The following KCNJ3 variants were observed in gnomAD, a reference collection of about 807,000 sequenced individuals.
KCNJ3 encodes the protein G protein-activated inward rectifier potassium channel 1.
A neutral mutation model predicts 39.2 loss-of-function variants in KCNJ3; 4 were observed. The observed-to-expected ratio is 0.10, with a 90% CI of 0.05 to 0.23. The LOEUF (loss-of-function observed/expected upper bound fraction) is 0.23. KCNJ3 is among the 10% of genes least tolerant of loss of function. The pLI, the probability that KCNJ3 is intolerant of heterozygous loss-of-function variation, is 1.00. For missense variants in KCNJ3, 276 were observed against 634.9 expected (o/e 0.43, Z 6.08); for synonymous variants, 230 against 237.4 (o/e 0.97, Z 0.29).
At chr2:154,761,966 T>C (rs1042943060) in intron 2 of KCNJ3, among the ~76,000 whole-genome samples, 4 of 151,792 alleles carry the variant, frequency 2.6e-5, no homozygotes, top group African/African-American at 7.3e-5. Flanking sequence ...CATCACAGAG[T>C]CCTTATAAAA....
intron 2 of KCNJ3, among the ~76,000 whole-genome samples, chr2:154,824,253 T>C (rs1343779965): frequency 6.6e-6 from 1 of 152,146 alleles, no homozygotes; most frequent in East Asian, 1.9e-4. Flanking sequence ...GGAGGATCAC[T>C]TGAGCCTGGG....
In KCNJ3 at chr2:154,787,732, G is replaced by A. The variant is rs16838176; in HGVS notation, c.920-66995G>A. ...CCCAGGTTCCTTGAAACTAGCCTGT[G>A]CCATTTTCAACTCAAACATTTTTTT... On this transcript the variant is annotated intron_variant, in intron 2 of 2. Coordinates refer to ENST00000295101, the MANE Select transcript of KCNJ3 (RefSeq NM_002239.4). Among the ~76,000 whole-genome samples, 293 of 150,456 alleles carry A rather than the reference G, an allele frequency of 1.9e-3. 1 individual carries two copies. The highest frequency in any genetic ancestry group is 7.1e-3 in the African/African-American group (289 of 40,974).
intron 2 of KCNJ3, among the ~76,000 whole-genome samples, chr2:154,840,806 T>C (rs1396551950): frequency 6.6e-6 from 1 of 152,206 alleles, no homozygotes; most frequent in East Asian, 1.9e-4. Flanking sequence ...TTTGATGAAG[T>C]TGCTTATCAG....
chr2:154,746,475 T>A (rs1558862931), intron 2 of KCNJ3, among the ~76,000 whole-genome samples: 1 of 151,614 alleles, frequency 6.6e-6, no homozygotes, highest in Admixed American at 6.6e-5. Flanking sequence ...TATACTATAT[T>A]GATTTTTATT....
At chr2:154,804,705 A>T (rs1256046155) in intron 2 of KCNJ3, among the ~76,000 whole-genome samples, 2 of 152,144 alleles carry the variant, frequency 1.3e-5, no homozygotes, top group Non-Finnish European at 2.9e-5. Context: ...TCCAAGACAG[A>T]GAGAGTTAAG....
chr2:154,836,776 C>A (rs1347954408), intron 2 of KCNJ3, among the ~76,000 whole-genome samples: 2 of 152,096 alleles, frequency 1.3e-5, no homozygotes, highest in Admixed American at 6.6e-5. Flanking sequence ...CCTTTTACTG[C>A]AAAGCATAGA....
intron 2 of KCNJ3, among the ~76,000 whole-genome samples, chr2:154,797,624 TATAAAC>T (rs1207753763): frequency 1.3e-5 from 2 of 152,166 alleles, no homozygotes; most frequent in Middle Eastern, 3.4e-3. Context: ...AGGATATACA[TATAAAC>T]ATAATCACTA....
intron 2 of KCNJ3, among the ~76,000 whole-genome samples, chr2:154,831,003 G>A (rs999699170): frequency 5.3e-5 from 8 of 152,128 alleles, no homozygotes; most frequent in African/African-American, 7.2e-5. Context: ...GTCAAGTCCT[G>A]TTAAATTTCC....
intron 2 of KCNJ3, among the ~76,000 whole-genome samples, chr2:154,737,683 G>A (rs888705417): frequency 2.0e-5 from 3 of 152,162 alleles, no homozygotes; most frequent in Admixed American, 1.3e-4. Flanking sequence ...AAACTGTATG[G>A]AATTAATGGC....
chr2:154,712,731 C>G (rs973915616), intron 2 of KCNJ3, among the ~76,000 whole-genome samples: 1 of 151,840 alleles, frequency 6.6e-6, no homozygotes, highest in East Asian at 1.9e-4. Flanking sequence ...CTCAGGAGGC[C>G]GAAGTGGAAG....
intron 2 of KCNJ3, among the ~76,000 whole-genome samples, chr2:154,779,516 AT>A (rs1480553917): frequency 1.0e-4 from 14 of 140,622 alleles, no homozygotes; most frequent in South Asian, 4.4e-4. Flanking sequence ...TGTTATATAT[AT>A]TTTTTATATA....
chr2:154,733,577 A>G (rs1685478636), intron 2 of KCNJ3, among the ~76,000 whole-genome samples: 1 of 152,166 alleles, frequency 6.6e-6, no homozygotes, highest in Non-Finnish European at 1.5e-5. Flanking sequence ...TATAATAGAA[A>G]TGTCTATGAA....
chr2:154,790,961 T>C (rs1184608044), intron 2 of KCNJ3, among the ~76,000 whole-genome samples: 3 of 152,078 alleles, frequency 2.0e-5, no homozygotes, highest in Admixed American at 2.0e-4. Flanking sequence ...GTTTCAACAA[T>C]CTTAGTAAAG....
chr2:154,841,163 A>C (rs1558888232), intron 2 of KCNJ3, among the ~76,000 whole-genome samples: 1 of 152,158 alleles, frequency 6.6e-6, no homozygotes, highest in Non-Finnish European at 1.5e-5. Flanking sequence ...AATTTTGTTA[A>C]AGGACGTTTC....
At chr2:154,791,149 A>T (rs188595693) in intron 2 of KCNJ3, among the ~76,000 whole-genome samples, 1 of 152,064 alleles carries the variant, frequency 6.6e-6, no homozygotes, top group East Asian at 1.9e-4. Context: ...GATCTAGGGA[A>T]GTGTGGAAAT....
chr2:154,716,201 G>A (rs1685176196), intron 2 of KCNJ3, among the ~76,000 whole-genome samples: 1 of 151,416 alleles, frequency 6.6e-6, no homozygotes. Context: ...GGTTCATGCC[G>A]TGGGTTCATG....
intron 2 of KCNJ3, among the ~76,000 whole-genome samples, chr2:154,715,991 A>G (rs1685173391): frequency 6.6e-6 from 1 of 152,190 alleles, no homozygotes; most frequent in Admixed American, 6.5e-5. Flanking sequence ...GTAAAGGCAC[A>G]TATATATCTG....
intron 2 of KCNJ3, among the ~76,000 whole-genome samples, chr2:154,772,273 A>G (rs1227227461): frequency 6.6e-6 from 1 of 152,174 alleles, no homozygotes; most frequent in African/African-American, 2.4e-5. Context: ...CATAGTGAAT[A>G]TTGTCCTGAG....
In KCNJ3 at chr2:154,858,192, G is replaced by C. The variant is rs1381905236; in HGVS notation, c.*2879G>C. On this transcript the variant is annotated 3_prime_UTR_variant, in exon 3 of 3. Coordinates refer to ENST00000295101, the MANE Select transcript of KCNJ3 (RefSeq NM_002239.4). ...TTGATCATAGGTCCCAGTTTACCCA[G>C]GAAAATTCCAGTTTATACCTGTTGT... is the stretch of plus-strand genomic sequence containing the variant. The C allele has an allele frequency of 6.6e-6, 1 of 152,050 alleles. No individual in the cohort carries two copies. Among genetic ancestry groups the C allele is most frequent in the Non-Finnish European group, 1.5e-5 (1 of 68,034 alleles). The allele number at this position is 152,050 out of a possible 1,614,324, so 9.4% of individuals were successfully genotyped here.
Sources: gnomAD v4.1 joint callset for allele counts (sites outside exome capture counted in the v4.1 genomes callset) on GRCh38, gnomAD v4.1.1 for gene constraint, MANE v1.5 for transcripts, NCBI Gene and HGNC (gene_info 2026-07-23, HGNC 2026-07-21) for gene names.